KY: variants seen among roughly 807,000 people sequenced by gnomAD.
KY encodes kyphoscoliosis peptidase.
Under a neutral mutation model 76.1 loss-of-function variants are expected in KY, and 43 were observed. The observed-to-expected ratio is 0.57, with a 90% confidence interval of 0.44 to 0.73. The LOEUF is 0.73. KY is among the 30% of genes least tolerant of loss of function. The pLI, the probability that KY is intolerant of heterozygous loss-of-function variation, is 0.00. For missense variants in KY, 722 were observed against 828.9 expected, an observed-to-expected ratio of 0.87 and a Z score of 1.58; for synonymous variants, 277 against 326.2, an observed-to-expected ratio of 0.85 and a Z score of 1.63.
intron 8 of KY, among the ~76,000 whole-genome samples, chr3:134,616,059 C>T (rs955940086): frequency 1.3e-5 from 2 of 152,124 alleles, no homozygotes; most frequent in African/African-American, 2.4e-5. Context: ...TACTGGAGGC[C>T]GACTCAAGAG....
At chr3:134,615,376 G>A (rs544086155) in intron 8 of KY, 7 of 132,684 alleles carry the variant, frequency 5.3e-5, no homozygotes, top group Non-Finnish European at 1.1e-4. Context: ...TTTTTCACGT[G>A]TGAAAACATC....
intron 6 of KY, among the ~76,000 whole-genome samples, chr3:134,623,277 A>C (rs1221441265): frequency 6.6e-6 from 1 of 152,026 alleles, no homozygotes. Context: ...AGCCTGACCC[A>C]TCCCTTCCGA....
At chr3:134,627,626 T>G in intron 5 of KY, 130 bp downstream of exon 5, 1 of 750,144 alleles carries the variant, frequency 1.3e-6, no homozygotes, top group Non-Finnish European at 2.3e-6. Flanking sequence ...ACTCTTCCCC[T>G]CCTGAACCCA....
At chr3:134,613,511 C>A (rs1452598327) in intron 8 of KY, among the ~76,000 whole-genome samples, 1 of 152,196 alleles carries the variant, frequency 6.6e-6, no homozygotes, top group Non-Finnish European at 1.5e-5. Context: ...CCTCCCAGGT[C>A]TGGTGGTCAC....
rs190994663 is a variant in KY at position 134,605,325 on chromosome 3, C to G, written c.1091-851G>C. On this transcript the variant is annotated intron_variant, in intron 10 of 10. Coordinates refer to ENST00000423778, the MANE Select transcript of KY (RefSeq NM_178554.6). ...TTCTCTCAGAAGCTGGTCATCTGCT[C>G]CCAGCCCCAGCAACCTCCCCAGCCC... Among the ~76,000 whole-genome samples the G allele has an allele frequency of 7.9e-3, 1,198 of 152,278 alleles. 31 individuals carry two copies. Among genetic ancestry groups the G allele is most frequent in the Admixed American group, 0.047 (719 of 15,290 alleles).
rs557297314 is a variant in KY at position 134,647,467 on chromosome 3, C to G, written c.167G>C (p.Arg56Thr). Residue 56 changes from arginine to threonine, a missense_variant, in exon 2 of 11, where the codon AGA (arginine) becomes ACA (threonine). Coordinates refer to ENST00000423778, the MANE Select transcript of KY (RefSeq NM_178554.6). ...GTCATTTCCTTCTAATTTCTGCCATCTTCGGACTCCATTTCCAACACCTTG... is the reference window on the plus strand; with the variant it reads ...GTCATTTCCTTCTAATTTCTGCCATGTTCGGACTCCATTTCCAACACCTTG... ...GFQGVGNGVRRWQKLEGNDFH... is the reference protein window; with the variant it reads ...GFQGVGNGVRTWQKLEGNDFH... 2 of 1,612,486 alleles carry G rather than the reference C, an allele frequency of 1.2e-6. No homozygotes were observed. Among genetic ancestry groups the G allele is most frequent in the South Asian group, 2.2e-5 (2 of 90,760 alleles).
rs1959032014 is a variant in KY, at chr3:134,602,911, G to C, written c.*668C>G. ...ACAACTTTCTGGTTGTCACATTCCT[G>C]ACTATACTTAGGGATGTTGGAGACG... On this transcript the variant is annotated 3_prime_UTR_variant, in exon 11 of 11. Transcript: ENST00000423778. Among the ~76,000 whole-genome samples, 1 of 152,218 alleles carries C rather than the reference G, an allele frequency of 6.6e-6. No homozygotes were observed. The highest frequency in any genetic ancestry group is 2.4e-5 in the African/African-American group (1 of 41,456).
intron 5 of KY, 67 bp from the exon 6 acceptor site, chr3:134,625,202 T>C: frequency 1.6e-6 from 2 of 1,279,152 alleles, no homozygotes; most frequent in Non-Finnish European, 2.2e-6. Flanking sequence ...GCCTAGGCCT[T>C]GCTGTCTCTT....
chr3:134,609,440 T>G (rs1449576204), intron 9 of KY, among the ~76,000 whole-genome samples: 2 of 152,140 alleles, frequency 1.3e-5, no homozygotes. Flanking sequence ...GAGCCCTGCG[T>G]GTAGGATGTG....
chr3:134,635,516 T>G (rs1262242604), intron 3 of KY, among the ~76,000 whole-genome samples: 9 of 54,160 alleles, frequency 1.7e-4, no homozygotes, highest in South Asian at 6.1e-4. Flanking sequence ...AAAAAAAAAG[T>G]ACTTCTCAAC....
Position 134,650,845 on chromosome 3 carries a change from G to C in KY, c.116C>G (p.Ser39Trp). 6.2e-7 allele frequency: 1 copy of C among 1,605,944 alleles called. No individual in the cohort carries two copies. The highest frequency in any genetic ancestry group is 1.1e-5 in the South Asian group (1 of 90,704). Residue 39 changes from serine to tryptophan, a missense_variant, in exon 1 of 11, where the codon TCG becomes TGG. Physicochemically the swap from Ser to Trp is radical, Grantham distance 177. Coordinates refer to ENST00000423778, the MANE Select transcript of KY (RefSeq NM_178554.6). ...TLSDQQANPS[S>W]LLQRGGGFQG... ...GTTACCTCCTCCGCGCTGCAGCAGC[G>C]AGCTCGGGTTCGCCTGCTGGTCTGA...
chr3:134,617,770 G>A (rs1961830268), intron 8 of KY, among the ~76,000 whole-genome samples: 1 of 152,314 alleles, frequency 6.6e-6, no homozygotes, highest in African/African-American at 2.4e-5. Context: ...GCGGGGCCTG[G>A]AAGGAGCTCT....
intron 3 of KY, among the ~76,000 whole-genome samples, chr3:134,638,576 G>C (rs928382454): frequency 2.0e-5 from 3 of 152,198 alleles, no homozygotes; most frequent in African/African-American, 7.2e-5. Flanking sequence ...GAGCATGTTA[G>C]AGATTATTTT....
intron 3 of KY, among the ~76,000 whole-genome samples, chr3:134,632,014 C>G (rs915517676): frequency 6.6e-6 from 1 of 151,888 alleles, no homozygotes; most frequent in Non-Finnish European, 1.5e-5. Context: ...ATGTTAATAT[C>G]AGATCAGAGA....
In KY at chr3:134,601,558, A is replaced by T. The variant is rs2107722089; in HGVS notation, c.*2021T>A. On this transcript the variant is annotated 3_prime_UTR_variant, in exon 11 of 11. Coordinates refer to ENST00000423778, the MANE Select transcript of KY (RefSeq NM_178554.6). ...AAGACGGCTGTTTTCAGGGTGTAAA[A>T]CTCCCTTTGTTTCCCTGTGGTGGTG... Among the ~76,000 whole-genome samples the T allele has an allele frequency of 6.6e-6, 1 of 151,902 alleles. No homozygotes were observed. The highest frequency in any genetic ancestry group is 1.9e-4 in the East Asian group (1 of 5,148).
rs369895836 is a variant in KY, at chr3:134,609,285, G to A, written c.900-446C>T. Among the ~76,000 whole-genome samples, 6 of 152,324 alleles carry A rather than the reference G, an allele frequency of 3.9e-5. No homozygotes were observed. The South Asian group carries it at 6.2e-4, about 16-fold the overall frequency. ...GGACCTTTTGTGGCTCTCCAGGGCC[G>A]ACTGGAGTGCTGCCTCTCTGGATGT... On this transcript the variant is annotated intron_variant, in intron 9 of 10. Coordinates refer to ENST00000423778, the MANE Select transcript of KY (RefSeq NM_178554.6).
At chr3:134,628,013 A>G in intron 4 of KY, 195 bp from the exon 5 acceptor site, 1 of 606,380 alleles carries the variant, frequency 1.6e-6, no homozygotes, top group South Asian at 2.0e-5. Context: ...TGGCAGAAGG[A>G]AGACTAAGAA....
intron 3 of KY, among the ~76,000 whole-genome samples, chr3:134,639,426 C>T (rs1195182003): frequency 6.6e-6 from 1 of 152,210 alleles, no homozygotes; most frequent in Non-Finnish European, 1.5e-5. Flanking sequence ...TGATGAAGGG[C>T]ATCACTGGCA....
At chr3:134,604,965 T>A (rs535629234) in intron 10 of KY, among the ~76,000 whole-genome samples, 7 of 152,300 alleles carry the variant, frequency 4.6e-5, no homozygotes, top group Admixed American at 3.9e-4. Flanking sequence ...CTTCACTCCC[T>A]GAGACTGTGC....
Sources: gnomAD v4.1 joint callset for allele counts (sites outside exome capture counted in the v4.1 genomes callset) on GRCh38, gnomAD v4.1.1 for gene constraint, MANE v1.5 for transcripts, NCBI Gene and HGNC (gene_info 2026-07-23, HGNC 2026-07-21) for gene names.